LAMP2: variants seen among roughly 807,000 people sequenced by gnomAD.
LAMP2 encodes lysosome associated membrane protein 2.
LAMP2 carries 4 observed loss-of-function variants against 25.6 expected under a neutral mutation model. That is an observed-to-expected ratio of 0.16 (90% confidence interval 0.08 to 0.36). The LOEUF is 0.36. LAMP2 is among the 10% of genes least tolerant of loss of function. LAMP2 has a pLI of 1.00. For synonymous variants in LAMP2, 108 were observed against 112.7 expected (o/e 0.96, Z 0.27); for missense variants, 272 against 301.4 (o/e 0.90, Z 0.72).
At chrX:120,466,335 A>G (rs1444031910) in intron 1 of LAMP2, among the ~76,000 whole-genome samples, 1 of 112,577 alleles carries the variant, frequency 8.9e-6, no homozygotes, top group Admixed American at 9.4e-5. Flanking sequence ...CACTTTCCCA[A>G]AACAATAACA....
At chrX:120,441,694 A>G (rs780875714) in intron 8 of LAMP2, 36 bp downstream of exon 8, 7 of 1,117,777 alleles carry the variant, frequency 6.3e-6, no homozygotes, top group Non-Finnish European at 8.6e-6. Context: ...TCAACATAAG[A>G]ACATAAATTA....
intron 8 of LAMP2, among the ~76,000 whole-genome samples, chrX:120,435,343 TG>T (rs2058538652): frequency 8.9e-6 from 1 of 111,822 alleles, no homozygotes; most frequent in African/African-American, 3.3e-5. Context: ...CAAGAAATGG[TG>T]ATTATTAACG....
Position 120,469,154 on chromosome X carries a change from G to A in LAMP2, c.16C>T (p.Leu6Phe). ...AGCCCTGAGCCCGGAACCGGGAAGA[G>A]GCGGAAGCACACCATGACCCCGCAG... is the stretch of plus-strand genomic sequence containing the variant. MVCFR[L>F]FPVPGSGLVL... Residue 6 changes from leucine (L) to phenylalanine (F), a missense_variant, in exon 1 of 9, where the codon CTC becomes TTC. Transcript: ENST00000200639. 2.5e-6 allele frequency: 3 copies of A among 1,212,285 alleles called. No individual in the cohort carries two copies. Among genetic ancestry groups the A allele is most frequent in the Non-Finnish European group, 3.3e-6 (3 of 895,557 alleles).
intron 8 of LAMP2, chrX:120,436,396 A>T: frequency 4.2e-6 from 2 of 480,979 alleles, no homozygotes; most frequent in Non-Finnish European, 5.1e-6. Context: ...ATTCAGTTCT[A>T]CTTCTAAACA....
intron 6 of LAMP2, among the ~76,000 whole-genome samples, chrX:120,443,770 A>C (rs1436960395): frequency 8.9e-6 from 1 of 111,909 alleles, no homozygotes; most frequent in Non-Finnish European, 1.9e-5. Flanking sequence ...CCATGAGGTC[A>C]GGAGATCGAG....
At position 120,450,576 on chromosome X, in the gene LAMP2, A is replaced by G. The variant is rs201783822; in HGVS notation, c.398-1448T>C. Among the ~76,000 whole-genome samples the G allele has an allele frequency of 2.9e-4, 32 of 111,977 alleles. No homozygotes were observed. In the East Asian group the frequency reaches 6.7e-3, roughly 24 times the overall value. On this transcript the variant is annotated intron_variant, in intron 3 of 8. Transcript: ENST00000200639. ...TACTATGAATAGCTTTTTTTAAACT[A>G]TGTATTGTTTATGAACACGTACTTA...
chrX:120,436,494 T>C (rs1394354797), intron 8 of LAMP2: 13 of 738,819 alleles, frequency 1.8e-5, no homozygotes, highest in Admixed American at 8.8e-5. Context: ...GGTAAGCAAA[T>C]TGCCTTAAGA....
intron 1 of LAMP2, among the ~76,000 whole-genome samples, chrX:120,461,497 C>T (rs1411894047): frequency 1.8e-5 from 2 of 110,394 alleles, no homozygotes; most frequent in African/African-American, 6.6e-5. Flanking sequence ...AAAAAAAGTA[C>T]CAAGTCTGTG....
chrX:120,469,273 C>T lies in LAMP2; in HGVS notation c.-104G>A, dbSNP rs1163789549. The T allele has an allele frequency of 2.5e-6, 2 of 796,983 alleles. No homozygotes were observed. Among genetic ancestry groups the T allele is most frequent in the African/African-American group, 4.1e-5 (2 of 49,103 alleles). The allele number at this position is 796,983 out of a possible 1,213,427, so 65.7% of individuals were successfully genotyped here. On this transcript the variant is annotated 5_prime_UTR_variant, in exon 1 of 9. Transcript: ENST00000200639. Reference sequence around the variant, plus strand: ...GACCTGGGTCAAGAGCACTGATGACCACCGACCACAGCCTTGCAAAAGCCA... The same window carrying T: ...GACCTGGGTCAAGAGCACTGATGACTACCGACCACAGCCTTGCAAAAGCCA...
rs887326511 is a variant in LAMP2, at chrX:120,430,602, T to G, written c.*721A>C. ...ATGCTTGGATCTTTTCAGTCTATAT[T>G]GCTGAAAAACAAACAATTATCTTAA... On this transcript the variant is annotated 3_prime_UTR_variant, in exon 9 of 9. Coordinates refer to ENST00000200639, the MANE Select transcript of LAMP2 (RefSeq NM_002294.3). 47 of 752,126 alleles carry G rather than the reference T, an allele frequency of 6.2e-5. No individual in the cohort carries two copies. The highest frequency in any genetic ancestry group is 7.1e-5 in the Non-Finnish European group (45 of 638,143). 62.0% of individuals were successfully genotyped at this position (752,126 alleles called of 1,213,427 possible).
chrX:120,447,518 C>A (rs2058602335), intron 5 of LAMP2, among the ~76,000 whole-genome samples: 1 of 110,486 alleles, frequency 9.1e-6, no homozygotes, highest in South Asian at 3.9e-4. Flanking sequence ...ACCGTCCTGG[C>A]TAACACGGTA....
intron 6 of LAMP2, among the ~76,000 whole-genome samples, chrX:120,444,804 C>T (rs898202266): frequency 8.9e-6 from 1 of 111,921 alleles, no homozygotes; most frequent in African/African-American, 3.2e-5. Context: ...CCCACCATAG[C>T]AGCCTGCACA....
At chrX:120,438,235 GAA>G in intron 8 of LAMP2, 11 of 747,563 alleles carry the variant, frequency 1.5e-5, no homozygotes, top group Non-Finnish European at 1.7e-5. Flanking sequence ...TTAAGAAAAA[GAA>G]AATAATAAAA....
intron 7 of LAMP2, among the ~76,000 whole-genome samples, chrX:120,442,228 CA>C (rs1157951288): frequency 0.018 from 541 of 29,664 alleles, 5 homozygotes; most frequent in African/African-American, 0.054. Context: ...GACCCTGTCT[CA>C]AAAAAAAAAA....
chrX:120,459,097 C>T (rs2147288947), intron 1 of LAMP2, among the ~76,000 whole-genome samples: 1 of 112,093 alleles, frequency 8.9e-6, no homozygotes, highest in East Asian at 2.8e-4. Context: ...AGAGCACACC[C>T]TTTAATCCAG....
Position 120,442,475 on chromosome X carries a change from T to C in LAMP2, c.928+124A>G, listed in dbSNP as rs927776318. The C allele has an allele frequency of 4.9e-5, 30 of 609,830 alleles. No homozygotes were observed. In the East Asian group the frequency reaches 9.1e-4, roughly 19 times the overall value. The allele number at this position is 609,830 out of a possible 1,213,427, so 50.3% of individuals were successfully genotyped here. A position where few individuals can be genotyped will look rare whatever the true frequency, so the allele number is the denominator to read the frequency against. ...TACTGATTTTAAGGTATGATCAAGG[T>C]ACACTTTTTACATAGCATCTTCTGT... is the stretch of plus-strand genomic sequence containing the variant. On this transcript the variant is annotated intron_variant, in intron 7 of 8. Coordinates refer to ENST00000200639, the MANE Select transcript of LAMP2 (RefSeq NM_002294.3).
At chrX:120,454,579 A>AC (rs968816744) in intron 3 of LAMP2, among the ~76,000 whole-genome samples, 76 of 105,562 alleles carry the variant, frequency 7.2e-4, no homozygotes, top group African/African-American at 1.9e-3. Flanking sequence ...ATAGTGAGAC[A>AC]CCCCCCCCAA....
intron 8 of LAMP2, among the ~76,000 whole-genome samples, chrX:120,440,026 G>A (rs2058564942): frequency 1.8e-5 from 2 of 111,541 alleles, no homozygotes; most frequent in Admixed American, 1.9e-4. Context: ...TGACACATGA[G>A]AGCATATAAA....
intron 3 of LAMP2, among the ~76,000 whole-genome samples, chrX:120,449,850 G>C (rs1384933157): frequency 1.8e-5 from 2 of 111,219 alleles, no homozygotes; most frequent in Non-Finnish European, 3.8e-5. Context: ...ACTTTTCAGG[G>C]AAGCCACTTA....
Sources: gnomAD v4.1 joint callset for allele counts (sites outside exome capture counted in the v4.1 genomes callset) on GRCh38, gnomAD v4.1.1 for gene constraint, MANE v1.5 for transcripts, NCBI Gene and HGNC (gene_info 2026-07-23, HGNC 2026-07-21) for gene names.